The following P2RY8 variants were observed in gnomAD, a reference collection of about 807,000 sequenced individuals.
P2RY8 encodes P2Y receptor family member 8.
P2RY8 carries 6 observed loss-of-function variants against 10.0 expected under a neutral mutation model. The ratio of observed to expected loss-of-function variants is 0.60; its 90% CI spans 0.33 to 1.19. The LOEUF is 1.19. P2RY8 is among the 50% of genes most tolerant of loss of function. The pLI is 0.04. For synonymous variants in P2RY8, 276 were observed against 252.5 expected (o/e 1.09, Z -0.88); for missense variants, 456 against 542.0 (o/e 0.84, Z 1.58).
intron 1 of P2RY8, among the ~76,000 whole-genome samples, chrX:1,467,026 C>G (rs1164680429): frequency 9.1e-6 from 1 of 110,206 alleles, no homozygotes; most frequent in Non-Finnish European, 1.9e-5. Flanking sequence ...CATTGTCATA[C>G]AAACCTCAAG....
intron 1 of P2RY8, among the ~76,000 whole-genome samples, chrX:1,484,347 T>A (rs2091966824): frequency 6.6e-6 from 1 of 152,062 alleles, no homozygotes; most frequent in African/African-American, 2.4e-5. Flanking sequence ...CTTTGTGACC[T>A]AAGGGAGGTT....
intron 1 of P2RY8, among the ~76,000 whole-genome samples, chrX:1,490,663 G>A (rs1167074419): frequency 7.1e-6 from 1 of 140,570 alleles, no homozygotes; most frequent in Non-Finnish European, 1.5e-5. Context: ...GGGAATGAAT[G>A]AATGATACCC....
rs1603458699 is a variant in P2RY8, at chrX:1,530,133, G to C, written c.-25+6788C>G. On this transcript the variant is annotated intron_variant, in intron 1 of 1. Coordinates refer to ENST00000381297, the MANE Select transcript of P2RY8 (RefSeq NM_178129.5). ...TCTATGTATCTATGCATCTATGTAT[G>C]TATGTATGTATGTATGTATGTATGA... Among the ~76,000 whole-genome samples, 6 of 5,106 alleles carry C rather than the reference G, an allele frequency of 1.2e-3. 1 individual carries two copies. The Admixed American group carries it at 0.036, about 31-fold the overall frequency. The allele number at this position is 5,106 out of a possible 152,430, so 3.3% of individuals were successfully genotyped here. A position where few individuals can be genotyped will look rare whatever the true frequency, so the allele number is the denominator to read the frequency against.
intron 1 of P2RY8, among the ~76,000 whole-genome samples, chrX:1,516,209 A>ACAG (rs2092347247): frequency 4.0e-5 from 1 of 24,884 alleles, no homozygotes; most frequent in Non-Finnish European, 2.7e-4. Flanking sequence ...GAAAAACAAA[A>ACAG]CAACAACAAA....
chrX:1,499,549 C>T (rs1360790079), intron 1 of P2RY8, among the ~76,000 whole-genome samples: 13 of 151,972 alleles, frequency 8.6e-5, no homozygotes, highest in African/African-American at 1.9e-4. Context: ...TCGCCTCTTA[C>T]GCCCAAACTT....
intron 1 of P2RY8, among the ~76,000 whole-genome samples, chrX:1,501,440 C>A (rs1203423532): frequency 6.6e-6 from 1 of 152,102 alleles, no homozygotes. Flanking sequence ...TAGCTCACTG[C>A]AACCTCAACT....
chrX:1,488,828 G>A, intron 1 of P2RY8, among the ~76,000 whole-genome samples: 1 of 151,888 alleles, frequency 6.6e-6, no homozygotes, highest in Non-Finnish European at 1.5e-5. Context: ...AACACTCAGA[G>A]CGTCCACACA....
intron 1 of P2RY8, among the ~76,000 whole-genome samples, chrX:1,490,817 T>C (rs1268240412): frequency 1.1e-4 from 16 of 142,190 alleles, no homozygotes; most frequent in East Asian, 6.3e-4. Context: ...AGATATTCCC[T>C]GCAAATGTGG....
rs760695054 is a variant in P2RY8 at position 1,517,146 on chromosome X, G to C, written c.-25+19775C>G. ...ATTTCCAGCCTCCAGGGCTGTGGGA[G>C]AATCAATGTCTCTTGTTTCTAAGCC... On this transcript the variant is annotated intron_variant, in intron 1 of 1. Transcript: ENST00000381297. Among the ~76,000 whole-genome samples, 626 of 150,510 alleles carry C rather than the reference G, an allele frequency of 4.2e-3. 5 individuals carry two copies. The highest frequency in any genetic ancestry group is 0.015 in the African/African-American group (602 of 40,912).
At chrX:1,510,588 C>G (rs1165661576) in intron 1 of P2RY8, among the ~76,000 whole-genome samples, 1 of 152,090 alleles carries the variant, frequency 6.6e-6, no homozygotes, top group African/African-American at 2.4e-5. Context: ...CTGGAAGCCC[C>G]TTTTGACAGC....
intron 1 of P2RY8, among the ~76,000 whole-genome samples, chrX:1,476,304 C>A (rs1222700734): frequency 1.3e-5 from 2 of 151,898 alleles, no homozygotes; most frequent in African/African-American, 4.8e-5. Flanking sequence ...CGGCTGGGCA[C>A]GGTGGCTCAT....
At chrX:1,496,116 C>A (rs1386841494) in intron 1 of P2RY8, among the ~76,000 whole-genome samples, 1 of 152,174 alleles carries the variant, frequency 6.6e-6, no homozygotes, top group African/African-American at 2.4e-5. Context: ...GACTACCCAT[C>A]CACTCTGAAG....
At chrX:1,481,553 T>A (rs1212322057) in intron 1 of P2RY8, among the ~76,000 whole-genome samples, 1 of 151,944 alleles carries the variant, frequency 6.6e-6, no homozygotes, top group Non-Finnish European at 1.5e-5. Flanking sequence ...GAGCCCAGCT[T>A]TGGGTTTAGG....
chrX:1,529,491 C>T (rs1262938358), intron 1 of P2RY8, among the ~76,000 whole-genome samples: 1 of 151,968 alleles, frequency 6.6e-6, no homozygotes, highest in Non-Finnish European at 1.5e-5. Flanking sequence ...TTTGGGGTGT[C>T]ACAACTGGAG....
In P2RY8 at chrX:1,464,409, C is replaced by A; in HGVS notation, c.*1070G>T. ...CCCCTGTAGGTTCCTGGGGTCCACA[C>A]CTGCATCTGCTGCTTGGTCTCCAAA... is the stretch of plus-strand genomic sequence containing the variant. On this transcript the variant is annotated 3_prime_UTR_variant, in exon 2 of 2. Coordinates refer to ENST00000381297, the MANE Select transcript of P2RY8 (RefSeq NM_178129.5). The A allele has an allele frequency of 4.3e-6, 1 of 233,530 alleles. No homozygotes were observed. Among genetic ancestry groups the A allele is most frequent in the Admixed American group, 5.6e-5 (1 of 17,800 alleles). The allele number at this position is 233,530 out of a possible 1,614,324, so 14.5% of individuals were successfully genotyped here. A position where few individuals can be genotyped will look rare whatever the true frequency, so the allele number is the denominator to read the frequency against.
intron 1 of P2RY8, among the ~76,000 whole-genome samples, chrX:1,523,334 G>A (rs2092406666): frequency 6.6e-6 from 1 of 151,870 alleles, no homozygotes; most frequent in South Asian, 2.1e-4. Flanking sequence ...AATCTTCCCT[G>A]TTCCCCAATA....
At chrX:1,514,385 TCCCTTCCCTTCCCTTTCCTCCCC>T (rs1402011482) in intron 1 of P2RY8, among the ~76,000 whole-genome samples, 1 of 117,782 alleles carries the variant, frequency 8.5e-6, no homozygotes, top group Admixed American at 8.3e-5. Context: ...TTCCCTTCCC[TCCCTTCCCTTCCCTTTCCTCCCC>T]TCCCTTCCCT....
intron 1 of P2RY8, among the ~76,000 whole-genome samples, chrX:1,484,741 AAAAAAAAG>A (rs1359702017): frequency 7.2e-6 from 1 of 139,218 alleles, no homozygotes; most frequent in East Asian, 2.1e-4. Context: ...AAAAAAAAAA[AAAAAAAAG>A]AAGAAGAAGA....
chrX:1,499,749 A>G (rs1465740667), intron 1 of P2RY8, among the ~76,000 whole-genome samples: 1 of 152,124 alleles, frequency 6.6e-6, no homozygotes, highest in Non-Finnish European at 1.5e-5. Flanking sequence ...TGATTTCCCC[A>G]AAACAGAGCC....
Sources: gnomAD v4.1 joint callset for allele counts (sites outside exome capture counted in the v4.1 genomes callset) on GRCh38, gnomAD v4.1.1 for gene constraint, MANE v1.5 for transcripts, NCBI Gene and HGNC (gene_info 2026-07-23, HGNC 2026-07-21) for gene names.